Variants in GNPTG observed in about 807,000 individuals in gnomAD.
GNPTG encodes N-acetylglucosamine-1-phosphate transferase subunit gamma.
In GNPTG, 46 loss-of-function variants were observed where a neutral mutation model predicts 43.8. The observed-to-expected ratio is 1.05, with a 90% confidence interval of 0.83 to 1.34. The LOEUF (loss-of-function observed/expected upper bound fraction) is 1.34. Among genes scored for constraint, GNPTG ranks in the 40% most tolerant of loss-of-function variants. The pLI, the probability that GNPTG is intolerant of heterozygous loss-of-function variation, is 0.00. For synonymous variants in GNPTG, 250 were observed against 172.8 expected (o/e 1.45, Z -3.50); for missense variants, 549 against 411.3 (o/e 1.33, Z -2.90).
At chr16:1,360,274 T>A (rs919427740) in intron 3 of GNPTG, among the ~76,000 whole-genome samples, 41 of 152,214 alleles carry the variant, frequency 2.7e-4, no homozygotes, top group Admixed American at 1.3e-4. Context: ...TTTGCCTGTT[T>A]ATATGAATAC....
intron 8 of GNPTG, 29 bp from the exon 9 acceptor site, chr16:1,362,582 G>C: frequency 1.9e-6 from 3 of 1,614,112 alleles, no homozygotes; most frequent in Non-Finnish European, 1.7e-6. Flanking sequence ...CTGGGAGCTG[G>C]GTGCTGCCCC....
chr16:1,354,387 C>T (rs2034735686), intron 3 of GNPTG, among the ~76,000 whole-genome samples: 1 of 151,718 alleles, frequency 6.6e-6, no homozygotes, highest in Admixed American at 6.6e-5. Flanking sequence ...ACCAGCCTGG[C>T]CAACATGGTG....
Position 1,362,733 on chromosome 16 carries a change from C to T in GNPTG, c.732C>T (p.Asn244=). The change falls in exon 9 of 11, where the codon AAC becomes AAT. Residue 244 remains asparagine, a synonymous_variant. Coordinates refer to ENST00000204679, the MANE Select transcript of GNPTG (RefSeq NM_032520.5). The stretch of plus-strand genomic sequence containing the variant: ...GCTTGGGGTTTGAGACCCTGGAAAA[C>T]TGCAGGAAGGTACCGTATTGGGGGG... ...PDSLGFETLE[N]CRKAHKELSK... is the part of the protein sequence containing the mutation. 1 of 1,614,114 alleles carries T rather than the reference C, an allele frequency of 6.2e-7. No individual in the cohort carries two copies. Among genetic ancestry groups the T allele is most frequent in the Non-Finnish European group, 8.5e-7 (1 of 1,180,020 alleles).
intron 3 of GNPTG, among the ~76,000 whole-genome samples, chr16:1,359,258 C>T (rs1440062218): frequency 6.6e-6 from 1 of 152,128 alleles, no homozygotes; most frequent in Non-Finnish European, 1.5e-5. Flanking sequence ...TGTCTTTTCA[C>T]TCCCTTGATG....
intron 2 of GNPTG, 40 bp downstream of exon 2, chr16:1,352,199 G>T (rs2141633049): frequency 6.4e-7 from 1 of 1,553,008 alleles, no homozygotes; most frequent in Non-Finnish European, 8.7e-7. Context: ...GCGGGGGACG[G>T]CCCGGGCCCG....
chr16:1,358,362 ATAAC>A (rs1446517290), intron 3 of GNPTG: 1 of 152,196 alleles, frequency 6.6e-6, no homozygotes. Context: ...TAGGTGACTC[ATAAC>A]TGTGTGCGAC....
chr16:1,358,332 G>C (rs2034815189), intron 3 of GNPTG: 1 of 152,308 alleles, frequency 6.6e-6, no homozygotes, highest in Non-Finnish European at 1.5e-5. Flanking sequence ...CTCTGAACTT[G>C]GCTATTCATA....
chr16:1,361,332 G>T, intron 3 of GNPTG: 1 of 254,820 alleles, frequency 3.9e-6, no homozygotes, highest in Non-Finnish European at 7.8e-6. Flanking sequence ...TTCTTTGAAC[G>T]TCTTGTGCTT....
Position 1,351,938 on chromosome 16 carries a change from G to A in GNPTG, c.-28G>A, listed in dbSNP as rs765220411. On this transcript the variant is annotated 5_prime_UTR_variant, in exon 1 of 11. It adds an upstream start codon to the 5' untranslated region. Transcript: ENST00000204679. ...CGTGGTCACGTGACCGTCACTTCAC[G>A]TGACCGCGCGGCGGCCGCTGCGGCG... 2.6e-4 allele frequency: 328 copies of A among 1,277,742 alleles called. No individual in the cohort carries two copies. The highest frequency in any genetic ancestry group is 3.0e-4 in the Non-Finnish European group (304 of 1,019,112). 79.2% of individuals were successfully genotyped at this position (1,277,742 alleles called of 1,614,324 possible).
At chr16:1,355,509 C>T (rs1166431035) in intron 3 of GNPTG, among the ~76,000 whole-genome samples, 3 of 152,014 alleles carry the variant, frequency 2.0e-5, no homozygotes, top group Non-Finnish European at 4.4e-5. Context: ...GCTCCATGGC[C>T]TCCACCAGAT....
chr16:1,360,002 G>C (rs1180028782), intron 3 of GNPTG, among the ~76,000 whole-genome samples: 1 of 152,078 alleles, frequency 6.6e-6, no homozygotes, highest in Non-Finnish European at 1.5e-5. Context: ...CTAGCTACTG[G>C]GGAGACTGAG....
chr16:1,355,333 T>C (rs1414175063), intron 3 of GNPTG, among the ~76,000 whole-genome samples: 1 of 152,112 alleles, frequency 6.6e-6, no homozygotes, highest in Non-Finnish European at 1.5e-5. Flanking sequence ...GAGAGTGTGG[T>C]CTGTGGAATG....
At chr16:1,361,989 C>G in intron 5 of GNPTG, 34 bp downstream of exon 5, 1 of 1,613,128 alleles carries the variant, frequency 6.2e-7, no homozygotes, top group Non-Finnish European at 8.5e-7. Context: ...CCCAAAGCAG[C>G]AGCGCAGCTC....
intron 3 of GNPTG, among the ~76,000 whole-genome samples, chr16:1,353,578 C>T (rs1369039628): frequency 2.6e-5 from 4 of 152,162 alleles, no homozygotes; most frequent in Non-Finnish European, 4.4e-5. Context: ...GGCTGGAGTG[C>T]AGTAGTGCAA....
rs751017692 is a variant in GNPTG, at chr16:1,363,088, G to A, written c.915G>A (p.Leu305=). The stretch of plus-strand genomic sequence containing the variant: ...GTGACCCAGGACTGCGTGGGAGTTT[G>A]TGACCTTGTGGTGGGAGAGCAGAGG... ...LRGDPGLRGS[L] Residue 305 remains leucine (L), a synonymous_variant, in exon 11 of 11, where the codon TTG becomes TTA. Coordinates refer to ENST00000204679, the MANE Select transcript of GNPTG (RefSeq NM_032520.5). 1.9e-6 allele frequency: 3 copies of A among 1,613,740 alleles called. No homozygotes were observed. The Admixed American group carries it at 5.0e-5, about 27-fold the overall frequency.
chr16:1,353,413 C>T (rs2034719321), intron 3 of GNPTG, among the ~76,000 whole-genome samples: 1 of 152,118 alleles, frequency 6.6e-6, no homozygotes, highest in African/African-American at 2.4e-5. Context: ...GGCACTGAGC[C>T]TGTAGAATTA....
rs559065439 is a variant in GNPTG at position 1,356,508 on chromosome 16, G to A, written c.178+4202G>A. 3.3e-5 allele frequency among the ~76,000 whole-genome samples: 5 copies of A among 152,310 alleles called. No individual in the cohort carries two copies. The East Asian group carries it at 9.7e-4, about 29-fold the overall frequency. ...CCTGAGGGCCAGGCGGAGGGGAGGG[G>A]CCGTGGCCGGGGTTCTGGTGTGGGC... On this transcript the variant is annotated intron_variant, in intron 3 of 10. Transcript: ENST00000204679.
chr16:1,363,068 C>G lies in GNPTG; in HGVS notation c.895C>G (p.Pro299Ala). 6.2e-7 allele frequency: 1 copy of G among 1,613,914 alleles called. No homozygotes were observed. Among genetic ancestry groups the G allele is most frequent in the Non-Finnish European group, 8.5e-7 (1 of 1,180,010 alleles). Residue 299 changes from proline to alanine, a missense_variant, in exon 11 of 11, where the codon CCA becomes GCA. Transcript: ENST00000204679. ...AKSPEQLRGD[P>A]GLRGSL ...GTCTCCAGAGCAGCTGCGGGGTGAC[C>G]CAGGACTGCGTGGGAGTTTGTGACC...
rs147109185 is a variant in GNPTG, at chr16:1,362,244, T to G, written c.450T>G (p.His150Gln). 5.2e-4 allele frequency: 832 copies of G among 1,613,516 alleles called. 2 individuals carry two copies. In the African/African-American group the frequency reaches 0.01, roughly 20 times the overall value. ...LACGKSNRLA[H>Q]VSEPSTCVYA... ...GTGGAAAAAGCAACCGGCTGGCCCA[T>G]GTGTCCGAGCCGAGCACCTGCGTCT... Residue 150 changes from histidine to glutamine, a missense_variant, in exon 7 of 11, where the codon CAT becomes CAG. By Grantham distance (24) the His-to-Gln change is conservative. Transcript: ENST00000204679.
Sources: allele counts gnomAD v4.1 joint callset (sites outside exome capture counted in the v4.1 genomes callset), GRCh38; gene constraint gnomAD v4.1.1; transcripts MANE v1.5; gene names NCBI Gene and HGNC (gene_info 2026-07-23, HGNC 2026-07-21).